RGS6: variants seen among roughly 807,000 people sequenced by gnomAD.
RGS6 encodes the protein regulator of G-protein signaling 6.
Under a neutral mutation model 78.5 loss-of-function variants are expected in RGS6, and 30 were observed. The observed-to-expected ratio is 0.38, with a 90% CI of 0.29 to 0.52. The LOEUF is 0.52. Among genes scored for constraint, RGS6 ranks in the 20% least tolerant of loss-of-function variants. The pLI is 0.85. For missense variants in RGS6, 495 were observed against 609.7 expected, an observed-to-expected ratio of 0.81 and a Z score of 1.98; for synonymous variants, 206 against 206.0, an observed-to-expected ratio of 1.00 and a Z score of 0.00.
At chr14:72,101,426 C>A (rs983440776) in intron 2 of RGS6, among the ~76,000 whole-genome samples, 1 of 152,170 alleles carries the variant, frequency 6.6e-6, no homozygotes, top group Non-Finnish European at 1.5e-5. Context: ...AGAATAGGTG[C>A]TCAATAGATA....
chr14:72,579,217 C>T, the RGS6 span, among the ~76,000 whole-genome samples: 31 of 152,120 alleles, frequency 2.0e-4, no homozygotes, highest in South Asian at 4.2e-4. Context: ...CACAAGGAAT[C>T]GGAGAACAAG....
chr14:72,056,656 T>G (rs984336386), intron 2 of RGS6, among the ~76,000 whole-genome samples: 3 of 152,230 alleles, frequency 2.0e-5, no homozygotes, highest in Non-Finnish European at 2.9e-5. Flanking sequence ...TTTAGAAAAT[T>G]TATATTCATT....
chr14:72,021,464 C>CTTTTTTTTTTT (rs533727083), intron 2 of RGS6, among the ~76,000 whole-genome samples: 1 of 122,424 alleles, frequency 8.2e-6, no homozygotes, highest in African/African-American at 3.2e-5. Flanking sequence ...CTTTTTCTAA[C>CTTTTTTTTTTT]TTTTTTTTTT....
downstream of RGS6, among the ~76,000 whole-genome samples, chr14:72,570,498 ATAG>A (rs2097719027): frequency 1.3e-5 from 2 of 152,360 alleles, no homozygotes; most frequent in South Asian, 4.1e-4. Flanking sequence ...TGGTTACATG[ATAG>A]TATAAGCAAT....
chr14:72,573,343 G>C, the RGS6 span, among the ~76,000 whole-genome samples: 4 of 152,166 alleles, frequency 2.6e-5, no homozygotes, highest in African/African-American at 4.8e-5. Flanking sequence ...GAAGACTTGG[G>C]TTCACCACTA....
intron 3 of RGS6, among the ~76,000 whole-genome samples, chr14:72,363,205 C>G (rs558684434): frequency 1.3e-5 from 2 of 152,286 alleles, no homozygotes; most frequent in African/African-American, 4.8e-5. Flanking sequence ...CTCAGATGGA[C>G]TGCCGTCAGA....
chr14:71,914,702 A>G, the RGS6 span, among the ~76,000 whole-genome samples: 1 of 151,990 alleles, frequency 6.6e-6, no homozygotes, highest in South Asian at 2.1e-4. Flanking sequence ...CCCCCAATGT[A>G]CAAGTAGTGT....
chr14:72,193,744 G>A (rs1238266771), intron 2 of RGS6, among the ~76,000 whole-genome samples: 1 of 152,200 alleles, frequency 6.6e-6, no homozygotes, highest in African/African-American at 2.4e-5. Flanking sequence ...GCAGAGACAT[G>A]ACATGAAGTT....
chr14:72,561,087 C>T (rs139326167), intron 17 of RGS6, among the ~76,000 whole-genome samples: 1 of 152,200 alleles, frequency 6.6e-6, no homozygotes, highest in East Asian at 1.9e-4. Flanking sequence ...ATCCACAGCC[C>T]GTGTTGTTTA....
intron 3 of RGS6, among the ~76,000 whole-genome samples, chr14:72,435,837 A>G (rs1376061209): frequency 2.1e-5 from 3 of 145,546 alleles, no homozygotes; most frequent in Non-Finnish European, 3.0e-5. Flanking sequence ...TTTTGATTAG[A>G]TAGAACCCAC....
intron 2 of RGS6, among the ~76,000 whole-genome samples, chr14:72,212,032 G>A (rs1235968566): frequency 6.6e-6 from 1 of 152,222 alleles, no homozygotes; most frequent in Non-Finnish European, 1.5e-5. Flanking sequence ...ATTGAAAGCT[G>A]TCACCAAAGA....
intron 2 of RGS6, among the ~76,000 whole-genome samples, chr14:72,020,316 A>C (rs1017893206): frequency 3.9e-5 from 6 of 152,222 alleles, no homozygotes; most frequent in African/African-American, 1.4e-4. Flanking sequence ...ATAAGTCAAA[A>C]ATTTAATCAG....
chr14:72,036,058 A>C (rs2153358596), intron 2 of RGS6, among the ~76,000 whole-genome samples: 1 of 152,162 alleles, frequency 6.6e-6, no homozygotes, highest in Middle Eastern at 3.4e-3. Flanking sequence ...TTTAGCAAGC[A>C]CTACCCTGTT....
chr14:72,515,004 G>A (rs540172087), intron 14 of RGS6, among the ~76,000 whole-genome samples: 92 of 152,292 alleles, frequency 6.0e-4, no homozygotes, highest in African/African-American at 2.0e-3. Context: ...ACCAAAGCCT[G>A]TTCTGAATTT....
chr14:72,512,306 G>A (rs2096888573), intron 14 of RGS6, among the ~76,000 whole-genome samples: 1 of 152,166 alleles, frequency 6.6e-6, no homozygotes. Context: ...CACCTTGCCT[G>A]GTCAGAGCAT....
At chr14:71,887,396 A>G in the RGS6 span, among the ~76,000 whole-genome samples, 79,857 of 152,010 alleles carry the variant, frequency 0.53, 24,115 homozygotes, top group Non-Finnish European at 0.68. Flanking sequence ...CTGCAGGGTC[A>G]GGCAAAAAGA....
chr14:71,877,540 G>T, the RGS6 span, among the ~76,000 whole-genome samples: 1 of 152,056 alleles, frequency 6.6e-6, no homozygotes, highest in Non-Finnish European at 1.5e-5. Flanking sequence ...GTTATTTAAG[G>T]TCTTCTCTAC....
At chr14:72,355,956 C>T (rs758434809) in intron 3 of RGS6, among the ~76,000 whole-genome samples, 14 of 152,096 alleles carry the variant, frequency 9.2e-5, no homozygotes, top group Non-Finnish European at 1.8e-4. Context: ...GATGAAGCCA[C>T]GTGAGAATGG....
the RGS6 span, among the ~76,000 whole-genome samples, chr14:72,572,835 TAAAAAC>T: frequency 7.0e-6 from 1 of 142,540 alleles, no homozygotes; most frequent in South Asian, 2.2e-4. Context: ...GTAAAGCTGC[TAAAAAC>T]AAAAACAGAA....
Sources: gnomAD v4.1 joint callset for allele counts (sites outside exome capture counted in the v4.1 genomes callset) on GRCh38, gnomAD v4.1.1 for gene constraint, MANE v1.5 for transcripts, NCBI Gene and HGNC (gene_info 2026-07-23, HGNC 2026-07-21) for gene names.